Variants in CDK14 observed in about 807,000 individuals in gnomAD.
The protein encoded by CDK14 is cyclin dependent kinase 14, also known as cyclin-dependent kinase 14.
A neutral mutation model predicts 60.7 loss-of-function variants in CDK14; 34 were observed. That is an observed-to-expected ratio of 0.56 (90% CI 0.43 to 0.75). CDK14 has a LOEUF of 0.75. CDK14 is among the 30% of genes least tolerant of loss of function. CDK14 has a pLI of 0.00. For missense variants in CDK14, 482 were observed against 564.1 expected, an observed-to-expected ratio of 0.85 and a Z score of 1.47; for synonymous variants, 197 against 203.7, an observed-to-expected ratio of 0.97 and a Z score of 0.28.
chr7:91,164,692 G>A (rs560562712), intron 14 of CDK14, among the ~76,000 whole-genome samples: 1 of 152,312 alleles, frequency 6.6e-6, no homozygotes, highest in South Asian at 2.1e-4. Flanking sequence ...GTCATACTCA[G>A]AGTGGAAAGC....
chr7:90,648,168 C>T (rs1482048147), intron 2 of CDK14, among the ~76,000 whole-genome samples: 3 of 152,026 alleles, frequency 2.0e-5, no homozygotes, highest in Non-Finnish European at 2.9e-5. Flanking sequence ...TTGGAGGTTG[C>T]GGTCAAGATG....
rs1268963924 is a variant in CDK14, at chr7:90,649,390, CTTCCTTCTTTCT to C, written c.123+45145_123+45156del. Among the ~76,000 whole-genome samples, 56 of 41,804 alleles carry C rather than the reference CTTCCTTCTTTCT, an allele frequency of 1.3e-3. 7 individuals are homozygous for C. Among genetic ancestry groups the C allele is most frequent in the Middle Eastern group, 0.023 (2 of 86 alleles). 27.4% of individuals were successfully genotyped at this position (41,804 alleles called of 152,430 possible). On this transcript the variant is annotated intron_variant, in intron 2 of 14. Coordinates refer to ENST00000380050, the MANE Select transcript of CDK14 (RefSeq NM_001287135.2). ...CTTTCCTTCCTTCCTTCCTTCCTTC[CTTCCTTCTTTCT>C]TTCTTTCTTTCTTTCTTTCCTTCTT...
At position 90,864,241 on chromosome 7, in the gene CDK14, T is replaced by C. The variant is rs535159139; in HGVS notation, c.639+972T>C. On this transcript the variant is annotated intron_variant, in intron 6 of 14. Coordinates refer to ENST00000380050, the MANE Select transcript of CDK14 (RefSeq NM_001287135.2). ...GCCGTTTATCTTGTCTATTTACATATAAATGATAGATACATTTGAATAATA... is the reference window on the plus strand; with the variant it reads ...GCCGTTTATCTTGTCTATTTACATACAAATGATAGATACATTTGAATAATA... Among the ~76,000 whole-genome samples, 131 of 152,268 alleles carry C rather than the reference T, an allele frequency of 8.6e-4. 1 individual carries two copies. Among genetic ancestry groups the C allele is most frequent in the African/African-American group, 3.1e-3 (128 of 41,578 alleles).
At chr7:90,825,302 C>T (rs532864107) in intron 5 of CDK14, among the ~76,000 whole-genome samples, 6 of 152,174 alleles carry the variant, frequency 3.9e-5, no homozygotes, top group South Asian at 2.1e-4. Context: ...GGTTGGAGCT[C>T]GCTGATTTAA....
chr7:90,844,305 A>C (rs1226188850), intron 5 of CDK14, among the ~76,000 whole-genome samples: 1 of 152,174 alleles, frequency 6.6e-6, no homozygotes, highest in Non-Finnish European at 1.5e-5. Context: ...ACTTCCCATC[A>C]TCTCAGGTGG....
chr7:91,051,479 TTAAAAGTA>T (rs1385416849), intron 11 of CDK14, among the ~76,000 whole-genome samples: 1 of 152,252 alleles, frequency 6.6e-6, no homozygotes, highest in East Asian at 1.9e-4. Flanking sequence ...TAATGGTCTT[TTAAAAGTA>T]GGTCTCCTTG....
At chr7:90,666,295 T>G (rs1800977431) in intron 2 of CDK14, 1 of 152,222 alleles carries the variant, frequency 6.6e-6, no homozygotes, top group Non-Finnish European at 1.5e-5. Flanking sequence ...AAACTCTGGA[T>G]CAGGGTTAAT....
intron 5 of CDK14, among the ~76,000 whole-genome samples, chr7:90,806,547 A>G (rs1788844773): frequency 6.6e-6 from 1 of 152,238 alleles, no homozygotes. Flanking sequence ...TGAGCGATGT[A>G]GAAGACAGGT....
chr7:90,625,229 A>G (rs1461735990), intron 2 of CDK14, among the ~76,000 whole-genome samples: 1 of 152,070 alleles, frequency 6.6e-6, no homozygotes, highest in Non-Finnish European at 1.5e-5. Context: ...TGTCCTAGCT[A>G]CTCAGAAGGC....
intron 10 of CDK14, among the ~76,000 whole-genome samples, chr7:91,015,718 G>C (rs1796286776): frequency 6.6e-6 from 1 of 150,748 alleles, no homozygotes; most frequent in African/African-American, 2.4e-5. Flanking sequence ...TTTTAGTAGA[G>C]ATGGGGTTGT....
intron 11 of CDK14, among the ~76,000 whole-genome samples, chr7:91,056,796 T>A (rs1797583225): frequency 1.3e-5 from 2 of 152,230 alleles, no homozygotes; most frequent in South Asian, 2.1e-4. Context: ...ATTTTCTTAA[T>A]CCAGTCTATC....
At chr7:90,679,471 T>A (rs1355074723) in intron 2 of CDK14, among the ~76,000 whole-genome samples, 1 of 152,234 alleles carries the variant, frequency 6.6e-6, no homozygotes, top group Non-Finnish European at 1.5e-5. Context: ...GTCTCTTTAA[T>A]AACCTGTAAT....
At position 91,112,663 on chromosome 7, in the gene CDK14, C is replaced by G. The variant is rs200612683; in HGVS notation, c.1276C>G (p.Leu426Val). 3.1e-6 allele frequency: 5 copies of G among 1,613,648 alleles called. No individual in the cohort carries two copies. The East Asian group carries it at 6.7e-5, about 22-fold the overall frequency. ...HEYFSDLPPR[L>V]WELTDMSSIF... ...GTATTTTAGTGACCTGCCGCCACGG[C>G]TATGGGAACTCACCGACAGTGAGTA... is the stretch of plus-strand genomic sequence containing the variant. The change falls in exon 13 of 15, where the codon CTA becomes GTA. Residue 426 changes from leucine to valine, a missense_variant. By Grantham distance (32) the Leu-to-Val change is conservative. Transcript: ENST00000380050.
intron 8 of CDK14, among the ~76,000 whole-genome samples, chr7:90,930,678 A>G (rs185522082): frequency 1.4e-3 from 215 of 152,188 alleles, no homozygotes; most frequent in African/African-American, 4.9e-3. Flanking sequence ...ACTTGACATT[A>G]GATTGCTTTT....
intron 14 of CDK14, among the ~76,000 whole-genome samples, chr7:91,139,511 A>G (rs758845423): frequency 3.3e-5 from 5 of 152,188 alleles, no homozygotes; most frequent in Non-Finnish European, 5.9e-5. Flanking sequence ...GTGGAAAGGG[A>G]GAGGAACACT....
chr7:90,956,312 A>T (rs748227177), intron 9 of CDK14, among the ~76,000 whole-genome samples: 1 of 152,290 alleles, frequency 6.6e-6, no homozygotes, highest in South Asian at 2.1e-4. Context: ...AAAAAATATT[A>T]TATGTTTAAT....
At chr7:91,166,137 A>T (rs540261161) in intron 14 of CDK14, among the ~76,000 whole-genome samples, 4 of 152,300 alleles carry the variant, frequency 2.6e-5, no homozygotes, top group African/African-American at 9.6e-5. Context: ...TGACACCCTT[A>T]TGTGTAGAAG....
intron 2 of CDK14, among the ~76,000 whole-genome samples, chr7:90,720,863 T>A (rs886513217): frequency 1.3e-5 from 2 of 152,162 alleles, no homozygotes; most frequent in South Asian, 4.1e-4. Flanking sequence ...ACAGCCACGG[T>A]TACAGGATCT....
intron 5 of CDK14, among the ~76,000 whole-genome samples, chr7:90,850,351 C>G (rs1790609228): frequency 6.6e-6 from 1 of 152,130 alleles, no homozygotes; most frequent in Admixed American, 6.6e-5. Context: ...GGCATTTTCT[C>G]TAAACTCAGC....
Sources: allele counts gnomAD v4.1 joint callset (sites outside exome capture counted in the v4.1 genomes callset), GRCh38; gene constraint gnomAD v4.1.1; transcripts MANE v1.5; gene names NCBI Gene and HGNC (gene_info 2026-07-23, HGNC 2026-07-21).